The following THAP8 variants were observed in gnomAD, a reference collection of about 807,000 sequenced individuals.
THAP8 encodes THAP domain-containing protein 8.
THAP8 carries 24 observed loss-of-function variants against 25.0 expected under a neutral mutation model. The observed-to-expected ratio is 0.96, with a 90% confidence interval of 0.69 to 1.35. The LOEUF is 1.35. THAP8 is among the 40% of genes most tolerant of loss of function. THAP8 has a pLI of 0.00. For synonymous variants in THAP8, 169 were observed against 157.6 expected (o/e 1.07, Z -0.54); for missense variants, 399 against 368.8 (o/e 1.08, Z -0.67).
At chr19:36,046,861 G>A (rs1401959422) in intron 1 of THAP8, among the ~76,000 whole-genome samples, 5 of 152,164 alleles carry the variant, frequency 3.3e-5, no homozygotes, top group African/African-American at 4.8e-5. Context: ...TGGCTGGGGC[G>A]TGTGACTACC....
chr19:36,036,272 CTTT>C (rs35918803), intron 3 of THAP8, among the ~76,000 whole-genome samples: 4 of 110,478 alleles, frequency 3.6e-5, no homozygotes, highest in Non-Finnish European at 1.7e-5. Context: ...AAAGACCAGA[CTTT>C]TTTTTTTTTT....
intron 1 of THAP8, among the ~76,000 whole-genome samples, chr19:36,047,316 T>C (rs760386090): frequency 3.3e-5 from 5 of 152,342 alleles, no homozygotes; most frequent in South Asian, 2.1e-4. Flanking sequence ...TCTTTTCCAG[T>C]TGGGGTGACC....
intron 1 of THAP8, among the ~76,000 whole-genome samples, chr19:36,051,799 A>G (rs1970062361): frequency 6.6e-6 from 1 of 152,168 alleles, no homozygotes; most frequent in Non-Finnish European, 1.5e-5. Flanking sequence ...ACAGACGGGT[A>G]CCAGTCTATG....
upstream of THAP8, chr19:36,054,437 G>T (rs965835261): frequency 9.8e-6 from 6 of 613,082 alleles, no homozygotes; most frequent in Non-Finnish European, 1.2e-5. Context: ...GGGCCATAGC[G>T]AGTACTGTGC....
intron 1 of THAP8, among the ~76,000 whole-genome samples, chr19:36,048,244 G>GA (rs2145453030): frequency 6.6e-6 from 1 of 152,206 alleles, no homozygotes; most frequent in East Asian, 1.9e-4. Flanking sequence ...GTGTGAGCAA[G>GA]AAATACACCT....
intron 3 of THAP8, 34 bp from the exon 4 acceptor site, chr19:36,035,626 T>C (rs764130772): frequency 6.3e-7 from 1 of 1,596,062 alleles, no homozygotes; most frequent in Non-Finnish European, 8.6e-7. Flanking sequence ...TGGGGAACAT[T>C]ACGAAGCAAG....
intron 1 of THAP8, among the ~76,000 whole-genome samples, chr19:36,053,480 G>C (rs1355546103): frequency 6.6e-6 from 1 of 150,684 alleles, no homozygotes; most frequent in African/African-American, 2.5e-5. Flanking sequence ...ACTTGAGCCC[G>C]GGAGGTCGAG....
In THAP8 at chr19:36,054,245, C is replaced by T. The variant is rs749315649; in HGVS notation, c.-28G>A. 1.5e-5 allele frequency: 24 copies of T among 1,606,782 alleles called. No homozygotes were observed. The South Asian group carries it at 2.0e-4, about 13-fold the overall frequency. On this transcript the variant is annotated 5_prime_UTR_variant, in exon 1 of 4. Transcript: ENST00000292894. ...CTATCCAGCCCCCGCTGAGTTTTGCCGGGTCAGCGGCTGCACTTTGGTTCT... is the reference window on the plus strand; with the variant it reads ...CTATCCAGCCCCCGCTGAGTTTTGCTGGGTCAGCGGCTGCACTTTGGTTCT...
chr19:36,054,544 A>T, upstream of THAP8: 1 of 553,650 alleles, frequency 1.8e-6, no homozygotes, highest in South Asian at 2.1e-5. Flanking sequence ...CAACCAAATC[A>T]ACTGGCTAGT....
Position 36,035,274 on chromosome 19 carries a change from C to T in THAP8, c.*166G>A, listed in dbSNP as rs1211311562. The T allele has an allele frequency of 1.1e-6, 1 of 884,770 alleles. No homozygotes were observed. Among genetic ancestry groups the T allele is most frequent in the Non-Finnish European group, 1.6e-6 (1 of 606,798 alleles). 54.8% of individuals were successfully genotyped at this position (884,770 alleles called of 1,614,324 possible). A position where few individuals can be genotyped will look rare whatever the true frequency, so the allele number is the denominator to read the frequency against. On this transcript the variant is annotated 3_prime_UTR_variant, in exon 4 of 4. Transcript: ENST00000292894. ...ATGAGAGACTTGGGCCCAGGTCACC[C>T]CTAAGGTTCAAGAGATCCCTAGGAG...
rs140016032 is a variant in THAP8 at position 36,047,931 on chromosome 19, A to G, written c.83+6204T>C. On this transcript the variant is annotated intron_variant, in intron 1 of 3. Coordinates refer to ENST00000292894, the MANE Select transcript of THAP8 (RefSeq NM_152658.3). ...TTGCCAACCTCTGTACTTTCTGTAT[A>G]TGAGGGAAAATAAACCCTGTAATAG... 1.4e-4 allele frequency among the ~76,000 whole-genome samples: 22 copies of G among 152,256 alleles called. No homozygotes were observed. The East Asian group carries it at 3.5e-3, about 24-fold the overall frequency.
intron 3 of THAP8, among the ~76,000 whole-genome samples, chr19:36,036,829 T>A (rs931015685): frequency 1.3e-4 from 19 of 150,808 alleles, no homozygotes; most frequent in Non-Finnish European, 2.5e-4. Context: ...TAATCCCAGC[T>A]ACTTGGGAGG....
chr19:36,050,915 T>C (rs562545563), intron 1 of THAP8, among the ~76,000 whole-genome samples: 32 of 152,162 alleles, frequency 2.1e-4, no homozygotes, highest in Non-Finnish European at 4.1e-4. Flanking sequence ...AACGAATCTT[T>C]ACTAAGAACC....
intron 1 of THAP8, among the ~76,000 whole-genome samples, chr19:36,053,835 G>A (rs1970173882): frequency 6.6e-6 from 1 of 152,138 alleles, no homozygotes; most frequent in Admixed American, 6.6e-5. Flanking sequence ...AAATGCGTGG[G>A]GAGGGCAAGT....
intron 1 of THAP8, among the ~76,000 whole-genome samples, chr19:36,047,622 G>C (rs1419477233): frequency 6.6e-6 from 1 of 152,136 alleles, no homozygotes; most frequent in Non-Finnish European, 1.5e-5. Context: ...AGGTGTTTGA[G>C]ACTAGCCTGG....
chr19:36,036,422 C>T (rs1018859323), intron 3 of THAP8, among the ~76,000 whole-genome samples: 2 of 152,014 alleles, frequency 1.3e-5, no homozygotes, highest in Admixed American at 6.6e-5. Context: ...ACTATAGGTG[C>T]AACACTTGGC....
At chr19:36,054,509 C>T (rs1257090529), upstream of THAP8, 13 of 567,872 alleles carry the variant, frequency 2.3e-5, no homozygotes, top group South Asian at 1.0e-4. Context: ...GGAAGGGCGG[C>T]GTCACGGCGT....
At chr19:36,053,905 C>A (rs558288169) in intron 1 of THAP8, among the ~76,000 whole-genome samples, 2 of 152,194 alleles carry the variant, frequency 1.3e-5, no homozygotes, top group African/African-American at 4.8e-5. Flanking sequence ...CCCTTTCACT[C>A]TTCGGCTCGC....
At chr19:36,054,351 G>C, upstream of THAP8, 1 of 1,113,646 alleles carries the variant, frequency 9.0e-7, no homozygotes. Flanking sequence ...TCACGTACCG[G>C]GGAGAGAGCT....
Sources: allele counts gnomAD v4.1 joint callset (sites outside exome capture counted in the v4.1 genomes callset), GRCh38; gene constraint gnomAD v4.1.1; transcripts MANE v1.5; gene names NCBI Gene and HGNC (gene_info 2026-07-23, HGNC 2026-07-21).